OTOGL: variants seen among roughly 807,000 people sequenced by gnomAD.
OTOGL encodes otogelin like.
In OTOGL, 285 loss-of-function variants were observed where a neutral mutation model predicts 318.5. That is an observed-to-expected ratio of 0.89 (90% confidence interval 0.81 to 0.99). OTOGL has a LOEUF of 0.99. Ranked by LOEUF, OTOGL falls within the 50% of genes least tolerant of loss-of-function variation. The pLI, the probability that OTOGL is intolerant of heterozygous loss-of-function variation, is 0.00. For missense variants in OTOGL, 2,899 were observed against 2,845.6 expected (o/e 1.02, Z -0.43); for synonymous variants, 987 against 936.5 (o/e 1.05, Z -0.99).
rs1443904157 is a variant in OTOGL at position 80,318,443 on chromosome 12, C to T, written c.3635-103C>T. The T allele has an allele frequency of 3.7e-6, 3 of 809,340 alleles. No individual in the cohort carries two copies. The Admixed American group carries it at 1.3e-4, about 35-fold the overall frequency. 50.1% of individuals were successfully genotyped at this position (809,340 alleles called of 1,614,324 possible). ...TATTAGTGATAAATTTTTAATTGCT[C>T]AATTTTTGAAGTATTTTGTTATTAA... On this transcript the variant is annotated intron_variant, in intron 32 of 58. Transcript: ENST00000547103.
At chr12:80,179,568 G>A (rs1427989862) in intron 1 of OTOGL, among the ~76,000 whole-genome samples, 1 of 152,168 alleles carries the variant, frequency 6.6e-6, no homozygotes, top group Non-Finnish European at 1.5e-5. Flanking sequence ...GCAGAGACAT[G>A]TAAGACCTTT....
At chr12:80,141,541 A>G (rs1240303735) in intron 1 of OTOGL, among the ~76,000 whole-genome samples, 1 of 152,122 alleles carries the variant, frequency 6.6e-6, no homozygotes. Context: ...GAAGAGCTCA[A>G]TACACATGCA....
At chr12:80,240,993 A>G (rs1337694470) in intron 11 of OTOGL, among the ~76,000 whole-genome samples, 1 of 152,140 alleles carries the variant, frequency 6.6e-6, no homozygotes, top group East Asian at 1.9e-4. Flanking sequence ...TGTATATTTT[A>G]TGAATCCCAA....
intron 1 of OTOGL, among the ~76,000 whole-genome samples, chr12:80,117,091 G>T (rs1461097914): frequency 6.6e-6 from 1 of 152,114 alleles, no homozygotes; most frequent in African/African-American, 2.4e-5. Flanking sequence ...TCATCAAAGT[G>T]AAGATTCAAC....
At chr12:80,282,423 A>C (rs574645541) in intron 26 of OTOGL, among the ~76,000 whole-genome samples, 1 of 151,942 alleles carries the variant, frequency 6.6e-6, no homozygotes, top group Admixed American at 6.6e-5. Context: ...TCCTGTTGGT[A>C]CTTGTCTTGT....
At chr12:80,136,146 C>CT (rs1020559401) in intron 1 of OTOGL, among the ~76,000 whole-genome samples, 4 of 152,226 alleles carry the variant, frequency 2.6e-5, no homozygotes, top group African/African-American at 9.6e-5. Context: ...TCTGGACTTG[C>CT]TTTTTTTGTG....
chr12:80,233,545 A>G (rs192665219), intron 9 of OTOGL, among the ~76,000 whole-genome samples: 1 of 152,338 alleles, frequency 6.6e-6, no homozygotes, highest in Non-Finnish European at 1.5e-5. Flanking sequence ...ATTGACAAAT[A>G]ATAGTTTTGC....
Position 80,313,633 on chromosome 12 carries a change from G to GT in OTOGL, c.3607+2dup, listed in dbSNP as rs755881513. 3 of 1,606,152 alleles carry GT rather than the reference G, an allele frequency of 1.9e-6. No individual in the cohort carries two copies. Among genetic ancestry groups the GT allele is most frequent in the East Asian group, 2.2e-5 (1 of 44,650 alleles). ...CATTGGAGATCATCTACTGTTTGTT[G>GT]TAAGTACCCTACTTAGAACATCATT... On this transcript the variant is annotated splice_donor_variant, in intron 31 of 58. Coordinates refer to ENST00000547103, the MANE Select transcript of OTOGL (RefSeq NM_001378609.3). LOFTEE classifies it high-confidence loss of function.
intron 20 of OTOGL, chr12:80,266,183 T>C (rs895698703): frequency 9.7e-6 from 4 of 412,848 alleles, no homozygotes; most frequent in African/African-American, 2.0e-5. Context: ...ATTCAACATA[T>C]ATAGTTCTGC....
chr12:80,307,410 G>A (rs1460922494), intron 29 of OTOGL, among the ~76,000 whole-genome samples: 1 of 150,254 alleles, frequency 6.7e-6, no homozygotes, highest in Non-Finnish European at 1.5e-5. Flanking sequence ...CTCACCTCCC[G>A]GACGGGGCGG....
chr12:80,196,092 G>A (rs756228811), intron 1 of OTOGL, among the ~76,000 whole-genome samples: 1 of 152,154 alleles, frequency 6.6e-6, no homozygotes, highest in Non-Finnish European at 1.5e-5. Flanking sequence ...CTACTAATAA[G>A]TGAGTGGGGT....
intron 21 of OTOGL, among the ~76,000 whole-genome samples, chr12:80,266,941 C>T (rs1370901003): frequency 6.6e-6 from 1 of 152,052 alleles, no homozygotes; most frequent in Non-Finnish European, 1.5e-5. Context: ...CGAAGTAAAG[C>T]CCTTTGTCTT....
chr12:80,332,675 AT>A (rs905292359), intron 37 of OTOGL, among the ~76,000 whole-genome samples: 2 of 152,176 alleles, frequency 1.3e-5, no homozygotes, highest in East Asian at 1.9e-4. Flanking sequence ...TACTATTAAT[AT>A]TTTTTTTACC....
intron 4 of OTOGL, 42 bp downstream of exon 4, chr12:80,212,039 C>T: frequency 1.3e-6 from 2 of 1,518,076 alleles, no homozygotes; most frequent in Non-Finnish European, 1.8e-6. Flanking sequence ...GAGAAATAAT[C>T]CATTCTGTTT....
chr12:80,168,485 T>C (rs761830418), intron 1 of OTOGL, among the ~76,000 whole-genome samples: 4 of 152,168 alleles, frequency 2.6e-5, no homozygotes, highest in Non-Finnish European at 4.4e-5. Context: ...AATTAAGATA[T>C]GAAAATGATA....
chr12:80,145,983 T>C (rs1201997860), intron 1 of OTOGL, among the ~76,000 whole-genome samples: 9 of 150,912 alleles, frequency 6.0e-5, no homozygotes, highest in South Asian at 4.2e-4. Flanking sequence ...TTTCTAGATA[T>C]ACAATCATGT....
At chr12:80,161,557 G>A (rs1427374976) in intron 1 of OTOGL, among the ~76,000 whole-genome samples, 1 of 152,010 alleles carries the variant, frequency 6.6e-6, no homozygotes, top group Non-Finnish European at 1.5e-5. Flanking sequence ...TGGGTTGGTG[G>A]TACGGCAAAT....
intron 29 of OTOGL, among the ~76,000 whole-genome samples, chr12:80,308,305 G>T (rs1277855738): frequency 6.6e-6 from 1 of 151,186 alleles, no homozygotes; most frequent in Non-Finnish European, 1.5e-5. Flanking sequence ...CGGTTGCCAG[G>T]CAGAGGGTCT....
intron 57 of OTOGL, among the ~76,000 whole-genome samples, chr12:80,372,592 C>G (rs933492482): frequency 4.0e-5 from 6 of 151,660 alleles, no homozygotes; most frequent in African/African-American, 1.5e-4. Context: ...ATATTTATAT[C>G]CTTTTCATAA....
Sources: allele counts gnomAD v4.1 joint callset (sites outside exome capture counted in the v4.1 genomes callset), GRCh38; gene constraint gnomAD v4.1.1; transcripts MANE v1.5; gene names NCBI Gene and HGNC (gene_info 2026-07-23, HGNC 2026-07-21).